The following SEMA4D variants were observed in gnomAD, a reference collection of about 807,000 sequenced individuals.
The protein encoded by SEMA4D is semaphorin-4D.
SEMA4D carries 22 observed loss-of-function variants against 74.8 expected under a neutral mutation model. The observed-to-expected ratio is 0.29, with a 90% CI of 0.21 to 0.42. The LOEUF (loss-of-function observed/expected upper bound fraction) is 0.42, where lower values mean the gene tolerates loss of function less well. SEMA4D is among the 10% of genes least tolerant of loss of function. The probability of loss-of-function intolerance (pLI) is 1.00; values close to 1 mark genes in which losing one functional copy is unlikely to be tolerated. For missense variants in SEMA4D, 937 were observed against 1,118.4 expected (o/e 0.84, Z 2.31); for synonymous variants, 445 against 463.7 (o/e 0.96, Z 0.52).
downstream of SEMA4D, chr9:89,377,174 C>G: frequency 7.1e-7 from 1 of 1,408,648 alleles, no homozygotes; most frequent in Non-Finnish European, 9.3e-7. Context: ...CCAGCTGTCC[C>G]GCCTGGGCCA....
At chr9:89,450,323 T>C in intron 2 of SEMA4D, 1 of 924,206 alleles carries the variant, frequency 1.1e-6, no homozygotes. Context: ...CCAAACAGTA[T>C]GGACTGAAAA....
intron 2 of SEMA4D, among the ~76,000 whole-genome samples, chr9:89,413,027 G>C (rs756720019): frequency 6.6e-6 from 1 of 152,158 alleles, no homozygotes; most frequent in Non-Finnish European, 1.5e-5. Context: ...GGAGAAAAAG[G>C]CCATTTTGCT....
chr9:89,381,057 G>A lies in SEMA4D; in HGVS notation c.1661C>T (p.Pro554Leu), dbSNP rs567628518. The A allele has an allele frequency of 3.1e-5, 50 of 1,614,044 alleles. No homozygotes were observed. Among genetic ancestry groups the A allele is most frequent in the African/African-American group, 2.0e-4 (15 of 75,016 alleles). Residue 554 changes from proline to leucine, a missense_variant and splice_region_variant, in exon 15 of 16, where the codon CCG becomes CTG. Transcript: ENST00000422704. This position sits in a 1 kb window ranked among gnomAD's most constrained non-coding sequence, Gnocchi z 4.6. ...TGGGACGTCGAGGAGTCACTCACCC[G>A]GGCACACAGAAGCATCGCCGCTCAT... Reference protein sequence around the residue: ...QEMSGDASVCPDKSKGSYRQH... With the variant: ...QEMSGDASVCLDKSKGSYRQH...
rs112337026 is a variant in SEMA4D at position 89,471,881 on chromosome 9, C to T, written c.-309-15928G>A. Among the ~76,000 whole-genome samples, 1,435 of 146,958 alleles carry T rather than the reference C, an allele frequency of 9.8e-3. 18 individuals carry two copies. The highest frequency in any genetic ancestry group is 0.033 in the African/African-American group (1,302 of 39,600). ...ACTCAGGTGCATATAGGTTGAGGTGCAAGCCAGACAGGGTGCACACTGGCT... is the reference window on the plus strand; with the variant it reads ...ACTCAGGTGCATATAGGTTGAGGTGTAAGCCAGACAGGGTGCACACTGGCT... On this transcript the variant is annotated intron_variant, in intron 1 of 15. Transcript: ENST00000422704.
chr9:89,387,174 C>G, intron 12 of SEMA4D: 1 of 540,654 alleles, frequency 1.8e-6, no homozygotes, highest in Non-Finnish European at 3.2e-6. Flanking sequence ...TTATTTTTAA[C>G]AAGTACCTCC....
intron 1 of SEMA4D, among the ~76,000 whole-genome samples, chr9:89,485,387 G>C (rs1825100122): frequency 6.6e-6 from 1 of 152,176 alleles, no homozygotes; most frequent in Non-Finnish European, 1.5e-5. Flanking sequence ...TAAACACTGA[G>C]AAACACCCTT....
At chr9:89,401,092 T>C (rs1461153763) in intron 4 of SEMA4D, among the ~76,000 whole-genome samples, 1 of 152,186 alleles carries the variant, frequency 6.6e-6, no homozygotes, top group Non-Finnish European at 1.5e-5. Context: ...TCTCGCTCTG[T>C]TGCCCAGGCT....
intron 2 of SEMA4D, among the ~76,000 whole-genome samples, chr9:89,433,482 G>A (rs894808737): frequency 1.3e-5 from 2 of 152,246 alleles, no homozygotes; most frequent in African/African-American, 4.8e-5. Context: ...ACTGCAGACT[G>A]TAAAGACAGC....
intron 1 of SEMA4D, among the ~76,000 whole-genome samples, chr9:89,460,301 G>A (rs886415186): frequency 6.7e-6 from 1 of 149,756 alleles, no homozygotes; most frequent in African/African-American, 2.5e-5. Flanking sequence ...CTGGTTCTTC[G>A]AAGCCTCATC....
At chr9:89,455,845 G>GA in intron 2 of SEMA4D, 43 bp downstream of exon 2, 1 of 152,364 alleles carries the variant, frequency 6.6e-6, no homozygotes, top group South Asian at 2.1e-4. Context: ...AGTTCCAAAA[G>GA]GAACCATGGC....
chr9:89,482,823 T>G (rs568980496), intron 1 of SEMA4D, among the ~76,000 whole-genome samples: 1 of 152,280 alleles, frequency 6.6e-6, no homozygotes, highest in South Asian at 2.1e-4. Flanking sequence ...AGAGAGCATG[T>G]CTGCATTCTC....
chr9:89,399,470 C>T (rs1841716286), intron 4 of SEMA4D, 132 bp from the exon 5 acceptor site: 1 of 696,872 alleles, frequency 1.4e-6, no homozygotes, highest in Non-Finnish European at 2.5e-6. Context: ...TCTCAGACTG[C>T]AAGGGAGGTT....
chr9:89,414,861 C>T (rs761452499), intron 2 of SEMA4D, among the ~76,000 whole-genome samples: 3 of 146,810 alleles, frequency 2.0e-5, no homozygotes, highest in Non-Finnish European at 4.6e-5. Context: ...GGCAAGCGAG[C>T]CACAGCCAGG....
chr9:89,412,626 C>T (rs1009380486), intron 2 of SEMA4D, among the ~76,000 whole-genome samples: 4 of 152,210 alleles, frequency 2.6e-5, no homozygotes, highest in South Asian at 2.1e-4. Context: ...CTTCCTGGCA[C>T]GGATTTATAT....
chr9:89,370,921 T>TG (rs372752217), intron 16 of SEMA4D, among the ~76,000 whole-genome samples: 2 of 94,368 alleles, frequency 2.1e-5, no homozygotes, highest in African/African-American at 4.2e-5. Context: ...TGGTGTGTGT[T>TG]GGGGGGGTGT....
intron 2 of SEMA4D, among the ~76,000 whole-genome samples, chr9:89,455,376 G>A (rs944308438): frequency 5.3e-5 from 8 of 152,222 alleles, no homozygotes; most frequent in African/African-American, 1.9e-4. Flanking sequence ...CCCTGAACAC[G>A]GGGCATGGGG....
chr9:89,426,536 G>A (rs1408943126), intron 2 of SEMA4D, among the ~76,000 whole-genome samples: 1 of 152,142 alleles, frequency 6.6e-6, no homozygotes, highest in African/African-American at 2.4e-5. Flanking sequence ...AGAGCTCTGC[G>A]AAGGCCCCAG....
At chr9:89,434,967 T>C (rs982998826) in intron 2 of SEMA4D, among the ~76,000 whole-genome samples, 3 of 152,012 alleles carry the variant, frequency 2.0e-5, no homozygotes, top group Non-Finnish European at 2.9e-5. Context: ...AAAACCTGAA[T>C]TTTTAGGTGA....
At chr9:89,458,713 C>T (rs1422095786) in intron 1 of SEMA4D, among the ~76,000 whole-genome samples, 1 of 151,880 alleles carries the variant, frequency 6.6e-6, no homozygotes, top group African/African-American at 2.4e-5. Flanking sequence ...ATATATACAT[C>T]CAAACACGCA....
Sources: allele counts gnomAD v4.1 joint callset (sites outside exome capture counted in the v4.1 genomes callset), GRCh38; gene constraint gnomAD v4.1.1; non-coding constraint Gnocchi (gnomAD v3.1); transcripts MANE v1.5; gene names NCBI Gene and HGNC (gene_info 2026-07-23, HGNC 2026-07-21).